Variants in RIMBP2 observed in about 807,000 individuals in gnomAD.
RIMBP2 encodes the protein RIMS-binding protein 2.
A neutral mutation model predicts 118.6 loss-of-function variants in RIMBP2; 48 were observed. The observed-to-expected ratio is 0.40, with a 90% CI of 0.32 to 0.51. The LOEUF (loss-of-function observed/expected upper bound fraction) is 0.51, where lower values mean the gene tolerates loss of function less well. Among genes scored for constraint, RIMBP2 ranks in the 20% least tolerant of loss-of-function variants. RIMBP2 has a pLI of 0.41. For missense variants in RIMBP2, 1,551 were observed against 1,768.3 expected (o/e 0.88, Z 2.20); for synonymous variants, 762 against 742.9 (o/e 1.03, Z -0.42).
At chr12:130,526,248 C>A (rs549328602) in intron 2 of RIMBP2, among the ~76,000 whole-genome samples, 1 of 151,840 alleles carries the variant, frequency 6.6e-6, no homozygotes, top group Non-Finnish European at 1.5e-5. Flanking sequence ...CTATTCAGGA[C>A]GAAAGCCAAC....
At chr12:130,464,542 C>T (rs1297954192) in intron 6 of RIMBP2, among the ~76,000 whole-genome samples, 2 of 151,596 alleles carry the variant, frequency 1.3e-5, no homozygotes, top group African/African-American at 4.8e-5. Flanking sequence ...GTGGCAGGCC[C>T]TGCGTGATTT....
intron 2 of RIMBP2, among the ~76,000 whole-genome samples, chr12:130,624,820 G>A (rs889033412): frequency 2.0e-5 from 3 of 152,154 alleles, no homozygotes; most frequent in Non-Finnish European, 2.9e-5. Context: ...TGCTTCCCGG[G>A]TTCAAGCAAT....
intron 1 of RIMBP2, among the ~76,000 whole-genome samples, chr12:130,667,100 GAGAAAAAAAGGAATGA>G (rs2063974170): frequency 1.7e-5 from 1 of 57,510 alleles, no homozygotes; most frequent in Non-Finnish European, 3.8e-5. Context: ...GGGAGGATGG[GAGAAAAAAAGGAATGA>G]GGGAGGGAAG....
intron 1 of RIMBP2, among the ~76,000 whole-genome samples, chr12:130,685,532 T>G (rs976868166): frequency 1.6e-4 from 24 of 152,148 alleles, no homozygotes; most frequent in Non-Finnish European, 2.4e-4. Context: ...TCAAAATCTC[T>G]GCCCCTGGAA....
chr12:130,470,145 A>C (rs2080875476), intron 6 of RIMBP2: 1 of 152,400 alleles, frequency 6.6e-6, no homozygotes, highest in Admixed American at 6.5e-5. Context: ...AAGGCCACTC[A>C]TGTCGTGTTT....
At chr12:130,400,903 A>G (rs1324920278) in intron 21 of RIMBP2, among the ~76,000 whole-genome samples, 1 of 152,192 alleles carries the variant, frequency 6.6e-6, no homozygotes, top group Non-Finnish European at 1.5e-5. Context: ...CACTACTATC[A>G]AAAACAAAAT....
chr12:130,467,114 T>A (rs1474053311), intron 6 of RIMBP2, among the ~76,000 whole-genome samples: 1 of 152,212 alleles, frequency 6.6e-6, no homozygotes, highest in Non-Finnish European at 1.5e-5. Context: ...CTGAACGAAC[T>A]CTGTGAGGAG....
At chr12:130,485,530 G>T (rs958177992) in intron 4 of RIMBP2, among the ~76,000 whole-genome samples, 4 of 152,274 alleles carry the variant, frequency 2.6e-5, no homozygotes, top group Non-Finnish European at 5.9e-5. Context: ...CCTGGCCTGG[G>T]TGGCCGATTG....
rs184089496 is a variant in RIMBP2, at chr12:130,578,200, G to C, written c.-217+50122C>G. On this transcript the variant is annotated intron_variant, in intron 2 of 22. Coordinates refer to ENST00000690449, the MANE Select transcript of RIMBP2 (RefSeq NM_001393629.1). This position sits in a 1 kb window ranked among gnomAD's most constrained non-coding sequence, Gnocchi z 4.1. ...AAGCTGATGAGGAGGCATGGGTCAG[G>C]GCCTGAGCTGGGGCAGAAGCTCAGA... 9.2e-5 allele frequency among the ~76,000 whole-genome samples: 14 copies of C among 152,260 alleles called. No homozygotes were observed. The East Asian group carries it at 1.9e-3, about 21-fold the overall frequency.
At chr12:130,406,384 C>A in intron 20 of RIMBP2, 141 bp from the exon 21 acceptor site, 1 of 606,064 alleles carries the variant, frequency 1.6e-6, no homozygotes, top group Non-Finnish European at 2.9e-6. Flanking sequence ...AAGGTAGAAG[C>A]TAATGAATGG....
chr12:130,599,847 C>T (rs1479216337), intron 2 of RIMBP2, among the ~76,000 whole-genome samples: 1 of 152,192 alleles, frequency 6.6e-6, no homozygotes, highest in Admixed American at 6.5e-5. Flanking sequence ...TCTTGGGGCC[C>T]CCAAATCACT....
intron 2 of RIMBP2, among the ~76,000 whole-genome samples, chr12:130,592,834 G>A (rs142178488): frequency 6.6e-6 from 1 of 152,292 alleles, no homozygotes; most frequent in East Asian, 1.9e-4. Flanking sequence ...GGGAAATCGG[G>A]AGCGGGAGAG....
chr12:130,668,252 A>G (rs2064038715), intron 1 of RIMBP2: 1 of 152,170 alleles, frequency 6.6e-6, no homozygotes. Flanking sequence ...ACTCGATAAC[A>G]TTTTAGTGCT....
chr12:130,415,522 T>C (rs1209870161), intron 17 of RIMBP2, among the ~76,000 whole-genome samples: 1 of 152,236 alleles, frequency 6.6e-6, no homozygotes, highest in Non-Finnish European at 1.5e-5. Flanking sequence ...TCACCATTCC[T>C]GTTCAACACT....
At chr12:130,562,197 T>C (rs1349039039) in intron 2 of RIMBP2, among the ~76,000 whole-genome samples, 1 of 152,252 alleles carries the variant, frequency 6.6e-6, no homozygotes, top group East Asian at 1.9e-4. Context: ...AATTGGATTT[T>C]ATTAACTTAC....
At chr12:130,605,782 G>A (rs2060146410) in intron 2 of RIMBP2, among the ~76,000 whole-genome samples, 1 of 152,140 alleles carries the variant, frequency 6.6e-6, no homozygotes, top group Non-Finnish European at 1.5e-5. Context: ...GCTAAAAATG[G>A]GCCAGGCACA....
Position 130,629,324 on chromosome 12 carries a change from C to T in RIMBP2, c.-351-868G>A, listed in dbSNP as rs76925873. Among the ~76,000 whole-genome samples, 156 of 152,298 alleles carry T rather than the reference C, an allele frequency of 1.0e-3. 1 individual carries two copies. Among genetic ancestry groups the T allele is most frequent in the African/African-American group, 3.2e-3 (131 of 41,572 alleles). The stretch of plus-strand genomic sequence containing the variant: ...TTCAATTTAGCAAACATGTTCTGAG[C>T]ACCTGCAAAGTTCCTGACAGCTGTT... On this transcript the variant is annotated intron_variant, in intron 1 of 22. Coordinates refer to ENST00000690449, the MANE Select transcript of RIMBP2 (RefSeq NM_001393629.1).
chr12:130,565,373 T>TC (rs2057139471), intron 2 of RIMBP2, among the ~76,000 whole-genome samples: 1 of 152,224 alleles, frequency 6.6e-6, no homozygotes, highest in South Asian at 2.1e-4. Context: ...ACCCAGCACT[T>TC]CCACTCTCAA....
At chr12:130,545,682 G>A (rs554122954) in intron 2 of RIMBP2, among the ~76,000 whole-genome samples, 37 of 152,126 alleles carry the variant, frequency 2.4e-4, no homozygotes, top group Admixed American at 2.0e-3. Flanking sequence ...CAGAGCCGCC[G>A]TCGAGTGTCA....
Sources: gnomAD v4.1 joint callset for allele counts (sites outside exome capture counted in the v4.1 genomes callset) on GRCh38, gnomAD v4.1.1 for gene constraint, Gnocchi (gnomAD v3.1) non-coding constraint, MANE v1.5 for transcripts, NCBI Gene and HGNC (gene_info 2026-07-23, HGNC 2026-07-21) for gene names.